L3MBTL4: variants seen among roughly 807,000 people sequenced by gnomAD.
L3MBTL4 encodes the protein lethal(3)malignant brain tumor-like protein 4.
In L3MBTL4, 70 loss-of-function variants were observed where a neutral mutation model predicts 84.5. That is an observed-to-expected ratio of 0.83 (90% CI 0.68 to 1.01). L3MBTL4 has a LOEUF of 1.01. L3MBTL4 is among the 50% of genes least tolerant of loss of function. The probability of loss-of-function intolerance (pLI) is 0.00; values close to 1 mark genes in which losing one functional copy is unlikely to be tolerated. For missense variants in L3MBTL4, 715 were observed against 754.8 expected (o/e 0.95, Z 0.62); for synonymous variants, 274 against 259.8 (o/e 1.05, Z -0.52).
rs544202703 is a variant in L3MBTL4 at position 6,249,238 on chromosome 18, C to T, written c.220-4650G>A. ...GACAAAATGCAATGAAAAAGGTAGA[C>T]CACAGGGAGAGAATGTTACTAATGC... On this transcript the variant is annotated intron_variant, in intron 5 of 18. Transcript: ENST00000317931. Among the ~76,000 whole-genome samples the T allele has an allele frequency of 1.2e-3, 187 of 152,192 alleles. 1 individual carries two copies. Among genetic ancestry groups the T allele is most frequent in the African/African-American group, 4.3e-3 (177 of 41,526 alleles).
At chr18:6,056,576 A>G (rs1265882025) in intron 16 of L3MBTL4, among the ~76,000 whole-genome samples, 3 of 152,090 alleles carry the variant, frequency 2.0e-5, no homozygotes, top group Non-Finnish European at 4.4e-5. Flanking sequence ...GAGGTAGAGA[A>G]AGGCTCTCTA....
chr18:6,211,798 G>A (rs887375098), intron 12 of L3MBTL4, among the ~76,000 whole-genome samples: 15 of 151,986 alleles, frequency 9.9e-5, no homozygotes, highest in African/African-American at 3.6e-4. Flanking sequence ...ACAGGCACGT[G>A]ACACCACACC....
intron 1 of L3MBTL4, among the ~76,000 whole-genome samples, chr18:6,403,790 T>C (rs2055608580): frequency 6.6e-6 from 1 of 152,200 alleles, no homozygotes; most frequent in South Asian, 2.1e-4. Flanking sequence ...CAAAGCCACA[T>C]GCACATGCAT....
intron 17 of L3MBTL4, among the ~76,000 whole-genome samples, chr18:5,968,558 G>A (rs2052469011): frequency 6.6e-6 from 1 of 152,026 alleles, no homozygotes; most frequent in Non-Finnish European, 1.5e-5. Context: ...TTAGCTAGGT[G>A]TGGTGGCACA....
chr18:6,150,559 A>T (rs1297329975), intron 13 of L3MBTL4, among the ~76,000 whole-genome samples: 1 of 152,158 alleles, frequency 6.6e-6, no homozygotes, highest in African/African-American at 2.4e-5. Context: ...GACATTCAGA[A>T]ACTTGGCAGA....
intron 16 of L3MBTL4, among the ~76,000 whole-genome samples, chr18:5,992,067 T>G (rs574372085): frequency 2.6e-5 from 4 of 152,260 alleles, no homozygotes; most frequent in African/African-American, 7.2e-5. Context: ...GACACAAAGA[T>G]GAAGGAGACT....
At chr18:6,029,123 A>G (rs497308) in intron 16 of L3MBTL4, among the ~76,000 whole-genome samples, 23,729 of 152,148 alleles carry the variant, frequency 0.16, 2,695 homozygotes, top group Admixed American at 0.3. Flanking sequence ...CACTAAACAA[A>G]TATGAGGATT....
chr18:5,955,181 C>T lies in L3MBTL4; in HGVS notation c.*1039G>A, dbSNP rs965031770. 10 of 152,140 alleles carry T rather than the reference C, an allele frequency of 6.6e-5. No homozygotes were observed. Among genetic ancestry groups the T allele is most frequent in the Admixed American group, 6.6e-4 (10 of 15,266 alleles). 9.4% of individuals were successfully genotyped at this position (152,140 alleles called of 1,614,324 possible). A position where few individuals can be genotyped will look rare whatever the true frequency, so the allele number is the denominator to read the frequency against. ...ACTGATTCCACACAACTTAAGCCTCCGATACAATCACTTACAAAAAACAAA... is the reference window on the plus strand; with the variant it reads ...ACTGATTCCACACAACTTAAGCCTCTGATACAATCACTTACAAAAAACAAA... On this transcript the variant is annotated 3_prime_UTR_variant, in exon 19 of 19. Coordinates refer to ENST00000317931, the MANE Select transcript of L3MBTL4 (RefSeq NM_001330559.2).
At chr18:6,317,990 T>C (rs564371893) in intron 1 of L3MBTL4, among the ~76,000 whole-genome samples, 16 of 152,280 alleles carry the variant, frequency 1.1e-4, no homozygotes, top group African/African-American at 3.8e-4. Context: ...AAGAATTCTG[T>C]ATCCAGCAAA....
chr18:5,971,143 G>A (rs988305754), intron 16 of L3MBTL4, among the ~76,000 whole-genome samples: 3 of 152,218 alleles, frequency 2.0e-5, no homozygotes, highest in African/African-American at 7.2e-5. Context: ...GGTTCTGAAA[G>A]GAAACTTCAC....
intron 5 of L3MBTL4, among the ~76,000 whole-genome samples, chr18:6,248,247 T>C (rs892930663): frequency 6.6e-6 from 1 of 152,182 alleles, no homozygotes; most frequent in Non-Finnish European, 1.5e-5. Flanking sequence ...ACCCATACTG[T>C]CATAATAAGA....
intron 13 of L3MBTL4, among the ~76,000 whole-genome samples, chr18:6,155,914 A>T (rs2043083701): frequency 6.6e-6 from 1 of 152,210 alleles, no homozygotes; most frequent in Non-Finnish European, 1.5e-5. Flanking sequence ...CCTAGGAGTC[A>T]TTTAAGGATA....
chr18:6,097,212 G>A (rs1288515175), intron 14 of L3MBTL4, among the ~76,000 whole-genome samples: 1 of 152,266 alleles, frequency 6.6e-6, no homozygotes, highest in South Asian at 2.1e-4. Flanking sequence ...TAAACAAAAA[G>A]TTGCCAGACC....
chr18:6,118,796 C>T (rs1243379560), intron 14 of L3MBTL4, among the ~76,000 whole-genome samples: 1 of 152,026 alleles, frequency 6.6e-6, no homozygotes, highest in Non-Finnish European at 1.5e-5. Flanking sequence ...TTTTAAAATA[C>T]TGGTAAGTAA....
chr18:6,049,090 T>C (rs2145787524), intron 16 of L3MBTL4, among the ~76,000 whole-genome samples: 1 of 151,810 alleles, frequency 6.6e-6, no homozygotes, highest in Middle Eastern at 3.4e-3. Flanking sequence ...GTTTGAGACT[T>C]GCCTGGGCAA....
intron 1 of L3MBTL4, among the ~76,000 whole-genome samples, chr18:6,392,950 CA>C (rs772412972): frequency 1.3e-4 from 20 of 151,218 alleles, no homozygotes; most frequent in African/African-American, 4.6e-4. Context: ...AAATGAGAGA[CA>C]AAAAAAACTA....
intron 13 of L3MBTL4, among the ~76,000 whole-genome samples, chr18:6,161,500 A>C (rs1329268861): frequency 6.6e-6 from 1 of 152,192 alleles, no homozygotes; most frequent in Non-Finnish European, 1.5e-5. Context: ...CACGGTGTGC[A>C]CTCTACCTTG....
intron 13 of L3MBTL4, among the ~76,000 whole-genome samples, chr18:6,150,172 G>C (rs552592351): frequency 1.1e-4 from 16 of 152,256 alleles, no homozygotes; most frequent in African/African-American, 3.9e-4. Context: ...GTTAGTTGCT[G>C]ATAGAAATGT....
rs1013574283 is a variant in L3MBTL4, at chr18:5,954,999, C to T, written c.*1221G>A. The T allele has an allele frequency of 1.3e-5, 2 of 152,274 alleles. No individual in the cohort carries two copies. The highest frequency in any genetic ancestry group is 2.1e-4 in the South Asian group (1 of 4,818). 9.4% of individuals were successfully genotyped at this position (152,274 alleles called of 1,614,324 possible). ...CAGAATCAACTTTCTTAAACCTTAA[C>T]ATTCTTAATGAAGCAAGTGGACATA... On this transcript the variant is annotated 3_prime_UTR_variant, in exon 19 of 19. Coordinates refer to ENST00000317931, the MANE Select transcript of L3MBTL4 (RefSeq NM_001330559.2).
Sources: gnomAD v4.1 joint callset for allele counts (sites outside exome capture counted in the v4.1 genomes callset) on GRCh38, gnomAD v4.1.1 for gene constraint, MANE v1.5 for transcripts, NCBI Gene and HGNC (gene_info 2026-07-23, HGNC 2026-07-21) for gene names.